The following GLRB variants were observed in gnomAD, a reference collection of about 807,000 sequenced individuals.
The protein encoded by GLRB is glycine receptor beta.
A neutral mutation model predicts 54.2 loss-of-function variants in GLRB; 33 were observed. That is an observed-to-expected ratio of 0.61 (90% CI 0.46 to 0.81). GLRB has a LOEUF of 0.81. Ranked by LOEUF, GLRB falls within the 40% of genes least tolerant of loss-of-function variation. The pLI, the probability that GLRB is intolerant of heterozygous loss-of-function variation, is 0.00. For synonymous variants in GLRB, 209 were observed against 208.2 expected (o/e 1.00, Z -0.03); for missense variants, 572 against 584.6 (o/e 0.98, Z 0.22).
intron 2 of GLRB, among the ~76,000 whole-genome samples, chr4:157,098,643 T>C (rs1176378074): frequency 6.6e-6 from 1 of 152,122 alleles, no homozygotes; most frequent in Non-Finnish European, 1.5e-5. Flanking sequence ...AGTCTCGCTC[T>C]GTCACCCAGG....
intron 4 of GLRB, among the ~76,000 whole-genome samples, chr4:157,134,593 G>A (rs1736334199): frequency 6.6e-6 from 1 of 151,992 alleles, no homozygotes; most frequent in Admixed American, 6.6e-5. Flanking sequence ...AAAAGGAGAT[G>A]AACTAATATT....
intron 2 of GLRB, among the ~76,000 whole-genome samples, chr4:157,086,269 C>T (rs1734410064): frequency 6.6e-6 from 1 of 152,172 alleles, no homozygotes; most frequent in South Asian, 2.1e-4. Flanking sequence ...CAGAGCTCAT[C>T]TTAGATATTA....
At chr4:157,165,363 T>A (rs982337302) in intron 9 of GLRB, among the ~76,000 whole-genome samples, 1 of 152,044 alleles carries the variant, frequency 6.6e-6, no homozygotes, top group African/African-American at 2.4e-5. Flanking sequence ...TAATGTACTT[T>A]GCCTTTCTAA....
intron 9 of GLRB, among the ~76,000 whole-genome samples, chr4:157,163,223 G>T (rs1292828068): frequency 7.2e-5 from 11 of 152,084 alleles, no homozygotes; most frequent in Admixed American, 7.2e-4. Flanking sequence ...GATTTTCCAG[G>T]TACCATCTGT....
Position 157,168,137 on chromosome 4 carries a change from T to C in GLRB, c.1198-2295T>C, listed in dbSNP as rs1366050746. ...CCTATTTTTTTTTTTTTGTCAGACA[T>C]TTTGCTAGATACAGAGTATAAATTG... On this transcript the variant is annotated intron_variant, in intron 9 of 9. Transcript: ENST00000264428. Among the ~76,000 whole-genome samples the C allele has an allele frequency of 2.0e-5, 3 of 151,230 alleles. No homozygotes were observed. In the South Asian group the frequency reaches 6.2e-4, roughly 31 times the overall value.
intron 2 of GLRB, among the ~76,000 whole-genome samples, chr4:157,080,638 C>T (rs1734189794): frequency 6.6e-6 from 1 of 152,114 alleles, no homozygotes; most frequent in South Asian, 2.1e-4. Context: ...AGAGAATGAT[C>T]CAGTTTGCTT....
At chr4:157,163,104 C>T (rs564147165) in intron 9 of GLRB, among the ~76,000 whole-genome samples, 84 of 152,258 alleles carry the variant, frequency 5.5e-4, no homozygotes, top group African/African-American at 1.1e-3. Flanking sequence ...TAGCAGTGAG[C>T]GAGGCTCCGT....
chr4:157,086,929 C>G (rs917658759), intron 2 of GLRB, among the ~76,000 whole-genome samples: 2 of 152,068 alleles, frequency 1.3e-5, no homozygotes, highest in African/African-American at 4.8e-5. Context: ...TTTGTGCATA[C>G]TTGATGTTTT....
intron 8 of GLRB, among the ~76,000 whole-genome samples, chr4:157,145,410 C>G (rs1004643385): frequency 1.3e-5 from 2 of 152,142 alleles, no homozygotes; most frequent in African/African-American, 4.8e-5. Context: ...ACCCAAGAAG[C>G]TCCAGGGAGT....
At chr4:157,145,566 A>C (rs1443523348) in intron 8 of GLRB, among the ~76,000 whole-genome samples, 1 of 152,178 alleles carries the variant, frequency 6.6e-6, no homozygotes, top group Non-Finnish European at 1.5e-5. Context: ...GTTAGGTACT[A>C]TTAAAAAAGA....
chr4:157,137,009 A>C, intron 6 of GLRB, 123 bp downstream of exon 6: 1 of 665,622 alleles, frequency 1.5e-6, no homozygotes. Context: ...ATAGTCATTA[A>C]AATAATTTAT....
chr4:157,110,827 G>C (rs1366391470), intron 2 of GLRB, among the ~76,000 whole-genome samples: 1 of 151,956 alleles, frequency 6.6e-6, no homozygotes, highest in Non-Finnish European at 1.5e-5. Context: ...CTTCTTGGTA[G>C]TCTAAATCAC....
intron 6 of GLRB, 118 bp from the exon 7 acceptor site, chr4:157,138,691 T>A (rs986151121): frequency 1.6e-6 from 1 of 628,312 alleles, no homozygotes; most frequent in African/African-American, 1.8e-5. Context: ...AACTACAATT[T>A]CATATAAGAA....
intron 2 of GLRB, among the ~76,000 whole-genome samples, chr4:157,087,521 G>T (rs1321917011): frequency 6.6e-6 from 1 of 152,006 alleles, no homozygotes; most frequent in African/African-American, 2.4e-5. Flanking sequence ...TATAATCAGG[G>T]TTAACTATTT....
chr4:157,088,704 C>T (rs75805923), intron 2 of GLRB, among the ~76,000 whole-genome samples: 4,253 of 152,146 alleles, frequency 0.028, 181 homozygotes, highest in African/African-American at 0.096. Context: ...AAAAAAAGAA[C>T]TTTTTTAGGA....
Position 157,170,602 on chromosome 4 carries a change from C to A in GLRB, c.1368C>A (p.Asn456Lys). The A allele has an allele frequency of 1.9e-6, 3 of 1,612,996 alleles. No individual in the cohort carries two copies. Among genetic ancestry groups the A allele is most frequent in the Middle Eastern group, 1.7e-4 (1 of 6,060 alleles). The change falls in exon 10 of 10, where the codon AAC (asparagine) becomes AAA (lysine). Residue 456 changes from asparagine to lysine, a missense_variant. Transcript: ENST00000264428. Reference sequence around the variant, plus strand: ...TTGGGAAATCTCAGGCTAAGAACAACAAGAAGCCTCCCCCTGCGAAACCTG... The same window carrying A: ...TTGGGAAATCTCAGGCTAAGAACAAAAAGAAGCCTCCCCCTGCGAAACCTG... The part of the protein sequence containing the change: ...NGLGKSQAKN[N>K]KKPPPAKPVI...
At chr4:157,138,737 T>G in intron 6 of GLRB, 72 bp from the exon 7 acceptor site, 1 of 800,964 alleles carries the variant, frequency 1.2e-6, no homozygotes, top group Non-Finnish European at 2.1e-6. Flanking sequence ...GTTTAAGATT[T>G]GAATTATGAA....
intron 2 of GLRB, among the ~76,000 whole-genome samples, chr4:157,086,370 C>T (rs1410513729): frequency 1.3e-5 from 2 of 152,054 alleles, no homozygotes; most frequent in Non-Finnish European, 2.9e-5. Flanking sequence ...GCTTTGATGT[C>T]TTGGATATTG....
intron 8 of GLRB, among the ~76,000 whole-genome samples, chr4:157,150,068 A>T (rs575068905): frequency 6.6e-6 from 1 of 152,144 alleles, no homozygotes; most frequent in Admixed American, 6.5e-5. Context: ...GTCATTATAC[A>T]ATTCTGTCTC....
Sources: allele counts gnomAD v4.1 joint callset (sites outside exome capture counted in the v4.1 genomes callset), GRCh38; gene constraint gnomAD v4.1.1; transcripts MANE v1.5; gene names NCBI Gene and HGNC (gene_info 2026-07-23, HGNC 2026-07-21).